REC114: variants seen among roughly 807,000 people sequenced by gnomAD.
The protein encoded by REC114 is meiotic recombination protein REC114.
REC114 carries 27 observed loss-of-function variants against 31.3 expected under a neutral mutation model. The observed-to-expected ratio is 0.86, with a 90% CI of 0.64 to 1.19. The LOEUF (loss-of-function observed/expected upper bound fraction) is 1.19. REC114 is among the 50% of genes most tolerant of loss of function. REC114 has a pLI of 0.00. For missense variants in REC114, 344 were observed against 326.9 expected (o/e 1.05, Z -0.40); for synonymous variants, 134 against 127.7 (o/e 1.05, Z -0.33).
chr15:73,473,453 T>G (rs1893162417), intron 1 of REC114, among the ~76,000 whole-genome samples: 1 of 151,872 alleles, frequency 6.6e-6, no homozygotes, highest in Non-Finnish European at 1.5e-5. Flanking sequence ...GACTGTGAAG[T>G]CTTACAGCAA....
At chr15:73,544,168 AAT>A (rs1390724721) in intron 3 of REC114, among the ~76,000 whole-genome samples, 1 of 152,032 alleles carries the variant, frequency 6.6e-6, no homozygotes, top group Non-Finnish European at 1.5e-5. Flanking sequence ...TAGTTTATTT[AAT>A]ACCTTTATCA....
At chr15:73,550,843 C>T (rs546668488) in intron 3 of REC114, 95 bp from the exon 4 acceptor site, 9 of 1,159,362 alleles carry the variant, frequency 7.8e-6, no homozygotes, top group African/African-American at 4.6e-5. Flanking sequence ...TATACCTCTT[C>T]CTCCGCCAAG....
At chr15:73,452,932 G>C (rs990417451) in intron 1 of REC114, among the ~76,000 whole-genome samples, 45 of 152,200 alleles carry the variant, frequency 3.0e-4, no homozygotes, top group African/African-American at 9.4e-4. Context: ...CTAGCCATAT[G>C]CAGAAAGCTG....
intron 3 of REC114, 132 bp from the exon 4 acceptor site, chr15:73,550,806 A>G (rs982763583): frequency 2.0e-5 from 15 of 765,616 alleles, no homozygotes; most frequent in South Asian, 9.1e-5. Flanking sequence ...GCCTGCATCA[A>G]TAAGTGAAGA....
intron 1 of REC114, among the ~76,000 whole-genome samples, chr15:73,467,131 A>G (rs961914540): frequency 1.3e-5 from 2 of 152,248 alleles, no homozygotes; most frequent in African/African-American, 4.8e-5. Context: ...CAATTTAAGA[A>G]TAAATAACAA....
At chr15:73,474,126 G>A (rs1402699641) in intron 2 of REC114, among the ~76,000 whole-genome samples, 1 of 152,184 alleles carries the variant, frequency 6.6e-6, no homozygotes, top group East Asian at 1.9e-4. Flanking sequence ...GGATTTTGTT[G>A]GGAGTCAGAG....
intron 2 of REC114, among the ~76,000 whole-genome samples, chr15:73,494,767 A>G (rs922641368): frequency 1.3e-5 from 2 of 152,208 alleles, no homozygotes; most frequent in African/African-American, 2.4e-5. Context: ...TTCACTTTCT[A>G]TAGTGGATCA....
intron 3 of REC114, among the ~76,000 whole-genome samples, chr15:73,544,717 T>A (rs564125900): frequency 6.6e-6 from 1 of 152,344 alleles, no homozygotes; most frequent in South Asian, 2.1e-4. Context: ...TGCCTTTTAG[T>A]TTCAAAGCAA....
intron 4 of REC114, among the ~76,000 whole-genome samples, chr15:73,551,386 T>C (rs918302511): frequency 6.6e-6 from 1 of 152,166 alleles, no homozygotes; most frequent in African/African-American, 2.4e-5. Context: ...GTTCTCAAAG[T>C]GTGGTCCACG....
At chr15:73,551,276 G>A (rs1197745969) in intron 4 of REC114, 126 bp downstream of exon 4, 1 of 987,192 alleles carries the variant, frequency 1.0e-6, no homozygotes, top group Non-Finnish European at 1.5e-6. Context: ...TATGTTCGGT[G>A]ACTTTTTAAA....
chr15:73,499,056 A>C (rs1019399858), intron 2 of REC114, among the ~76,000 whole-genome samples: 5 of 152,080 alleles, frequency 3.3e-5, no homozygotes, highest in African/African-American at 1.2e-4. Flanking sequence ...AATGGTGCTC[A>C]GCTAAACTCT....
intron 1 of REC114, among the ~76,000 whole-genome samples, chr15:73,449,731 T>C (rs1247688773): frequency 1.3e-5 from 2 of 152,110 alleles, no homozygotes; most frequent in African/African-American, 4.8e-5. Context: ...GGAAAAAATG[T>C]TAAGGGCAGC....
chr15:73,448,095 G>GT lies in REC114; in HGVS notation c.159+4754dup, dbSNP rs1309272488. Among the ~76,000 whole-genome samples the GT allele has an allele frequency of 1.0e-3, 153 of 148,786 alleles. 1 individual carries two copies. The highest frequency in any genetic ancestry group is 3.8e-3 in the African/African-American group (147 of 38,918). ...GACACTGAGCTAGCTGCAGGAGTTT[G>GT]TTTGTTTTTTTTTTTTCACACGCCA... On this transcript the variant is annotated intron_variant, in intron 1 of 5. Coordinates refer to ENST00000331090, the MANE Select transcript of REC114 (RefSeq NM_001042367.2).
chr15:73,447,167 C>T (rs115634588), intron 1 of REC114, among the ~76,000 whole-genome samples: 1,731 of 152,128 alleles, frequency 0.011, 30 homozygotes, highest in African/African-American at 0.04. Flanking sequence ...GGGAAAAATC[C>T]AAGATGTCAG....
chr15:73,504,265 A>G (rs1893644088), intron 2 of REC114, among the ~76,000 whole-genome samples: 1 of 151,988 alleles, frequency 6.6e-6, no homozygotes, highest in South Asian at 2.1e-4. Flanking sequence ...AGCCTCCCAA[A>G]GTGCTGGGAT....
chr15:73,528,066 A>G (rs1316121151), intron 2 of REC114, among the ~76,000 whole-genome samples: 2 of 152,192 alleles, frequency 1.3e-5, no homozygotes, highest in Non-Finnish European at 2.9e-5. Flanking sequence ...ACTTTTTTAA[A>G]AAAAAACCCT....
At position 73,557,265 on chromosome 15, in the gene REC114, T is replaced by C. The variant is rs186525918; in HGVS notation, c.636+874T>C. On this transcript the variant is annotated intron_variant, in intron 5 of 5. Transcript: ENST00000331090. Reference sequence around the variant, plus strand: ...TTGTATTTTTAGTAGAGTCAGGATTTCACTGTGTTGGCCAGGCTGGTCTTG... The same window carrying C: ...TTGTATTTTTAGTAGAGTCAGGATTCCACTGTGTTGGCCAGGCTGGTCTTG... 1.7e-3 allele frequency among the ~76,000 whole-genome samples: 255 copies of C among 151,802 alleles called. 1 individual carries two copies. The highest frequency in any genetic ancestry group is 3.4e-3 in the Middle Eastern group (1 of 294).
intron 2 of REC114, among the ~76,000 whole-genome samples, chr15:73,490,214 C>G (rs1489626880): frequency 6.6e-6 from 1 of 152,168 alleles, no homozygotes; most frequent in Non-Finnish European, 1.5e-5. Flanking sequence ...TGAAATTATT[C>G]TTTTGCCAAG....
At chr15:73,514,438 C>G (rs1424642573) in intron 2 of REC114, among the ~76,000 whole-genome samples, 1 of 152,112 alleles carries the variant, frequency 6.6e-6, no homozygotes, top group African/African-American at 2.4e-5. Context: ...TAGACCGGAG[C>G]TGTTCCTATT....
Sources: gnomAD v4.1 joint callset for allele counts (sites outside exome capture counted in the v4.1 genomes callset) on GRCh38, gnomAD v4.1.1 for gene constraint, MANE v1.5 for transcripts, NCBI Gene and HGNC (gene_info 2026-07-23, HGNC 2026-07-21) for gene names.